The following STK32B variants were observed in gnomAD, a reference collection of about 807,000 sequenced individuals.
STK32B encodes the protein serine/threonine-protein kinase 32B.
STK32B carries 43 observed loss-of-function variants against 52.6 expected under a neutral mutation model. That is an observed-to-expected ratio of 0.82 (90% CI 0.64 to 1.05). The LOEUF is 1.05. Among genes scored for constraint, STK32B ranks in the 50% least tolerant of loss-of-function variants. The probability of loss-of-function intolerance (pLI) is 0.00; values close to 1 mark genes in which losing one functional copy is unlikely to be tolerated. For synonymous variants in STK32B, 238 were observed against 204.3 expected, an observed-to-expected ratio of 1.17 and a Z score of -1.41; for missense variants, 621 against 534.6, an observed-to-expected ratio of 1.16 and a Z score of -1.59.
intron 1 of STK32B, among the ~76,000 whole-genome samples, chr4:5,072,008 G>T (rs1352529978): frequency 6.6e-6 from 1 of 152,142 alleles, no homozygotes; most frequent in African/African-American, 2.4e-5. Flanking sequence ...TGACCCTTGT[G>T]TGAGATGCCC....
At chr4:5,477,609 G>C (rs1259946884) in intron 11 of STK32B, among the ~76,000 whole-genome samples, 1 of 152,162 alleles carries the variant, frequency 6.6e-6, no homozygotes, top group African/African-American at 2.4e-5. Flanking sequence ...TCCATGGCAG[G>C]TCAGCTTGGA....
chr4:5,032,139 T>C, the STK32B span, among the ~76,000 whole-genome samples: 1 of 149,808 alleles, frequency 6.7e-6, no homozygotes, highest in Non-Finnish European at 1.5e-5. Context: ...AACTTGAGAC[T>C]AGTAGCCAGT....
chr4:5,172,216 A>G (rs1479671779), intron 3 of STK32B, among the ~76,000 whole-genome samples: 3 of 152,154 alleles, frequency 2.0e-5, no homozygotes, highest in Middle Eastern at 3.2e-3. Context: ...GGGCTGAGAC[A>G]ATGGGGTTTT....
At chr4:5,434,983 A>G (rs1399378862) in intron 6 of STK32B, among the ~76,000 whole-genome samples, 3 of 152,050 alleles carry the variant, frequency 2.0e-5, no homozygotes, top group African/African-American at 4.8e-5. Context: ...ACTCATCTCC[A>G]TGGCCCTGAA....
intron 1 of STK32B, among the ~76,000 whole-genome samples, chr4:5,082,211 C>T (rs553042808): frequency 5.3e-5 from 8 of 152,168 alleles, no homozygotes; most frequent in South Asian, 4.2e-4. Flanking sequence ...TTTGTTGTCC[C>T]GAAGGAGGTA....
At chr4:5,251,005 GGTTGTCTTTTTACTCT>G (rs1289398051) in intron 3 of STK32B, among the ~76,000 whole-genome samples, 2 of 152,246 alleles carry the variant, frequency 1.3e-5, no homozygotes, top group East Asian at 1.9e-4. Flanking sequence ...TCATTCTGTA[GGTTGTCTTTTTACTCT>G]GTTGATAGTT....
chr4:5,250,156 A>C (rs1471033948), intron 3 of STK32B, among the ~76,000 whole-genome samples: 1 of 152,110 alleles, frequency 6.6e-6, no homozygotes, highest in Non-Finnish European at 1.5e-5. Flanking sequence ...CCAGTCTGCT[A>C]TTGATGGACA....
intron 3 of STK32B, among the ~76,000 whole-genome samples, chr4:5,228,281 C>T (rs534486622): frequency 1.3e-5 from 2 of 152,170 alleles, no homozygotes; most frequent in African/African-American, 2.4e-5. Flanking sequence ...CTACAATGAG[C>T]GATTGAGTCA....
intron 4 of STK32B, among the ~76,000 whole-genome samples, chr4:5,372,618 C>G (rs909710191): frequency 2.0e-5 from 3 of 151,694 alleles, no homozygotes; most frequent in African/African-American, 7.3e-5. Flanking sequence ...CCCATCTTTT[C>G]TGGGTCAGTG....
At chr4:5,091,945 C>T (rs1713100983) in intron 1 of STK32B, among the ~76,000 whole-genome samples, 2 of 152,086 alleles carry the variant, frequency 1.3e-5, no homozygotes, top group South Asian at 2.1e-4. Flanking sequence ...AAGAAGTCTG[C>T]CAGAAAAGGT....
At chr4:5,173,371 C>T (rs1249978445) in intron 3 of STK32B, among the ~76,000 whole-genome samples, 3 of 151,946 alleles carry the variant, frequency 2.0e-5, no homozygotes, top group Non-Finnish European at 4.4e-5. Flanking sequence ...GATCTTGCTT[C>T]TCTAGTTCTT....
At chr4:5,111,767 A>G (rs1714420000) in intron 1 of STK32B, among the ~76,000 whole-genome samples, 2 of 152,070 alleles carry the variant, frequency 1.3e-5, no homozygotes, top group African/African-American at 4.8e-5. Flanking sequence ...AAAAATAAAG[A>G]AAACGATGTG....
chr4:5,279,295 T>A (rs1728042383), intron 3 of STK32B, among the ~76,000 whole-genome samples: 1 of 152,166 alleles, frequency 6.6e-6, no homozygotes, highest in African/African-American at 2.4e-5. Context: ...AGGTAGAAAT[T>A]GGCTAAAACA....
intron 1 of STK32B, among the ~76,000 whole-genome samples, chr4:5,072,514 C>T (rs1711843625): frequency 6.6e-6 from 1 of 152,138 alleles, no homozygotes; most frequent in Non-Finnish European, 1.5e-5. Flanking sequence ...CATCTTTCAA[C>T]CTCATCATTT....
At chr4:5,444,823 G>C (rs572147807) in intron 6 of STK32B, among the ~76,000 whole-genome samples, 1 of 152,256 alleles carries the variant, frequency 6.6e-6, no homozygotes, top group East Asian at 1.9e-4. Flanking sequence ...CAGAGAGAAG[G>C]TAAGTCACTT....
chr4:5,065,596 T>C (rs1326828852), intron 1 of STK32B, among the ~76,000 whole-genome samples: 2 of 152,200 alleles, frequency 1.3e-5, no homozygotes, highest in Non-Finnish European at 2.9e-5. Context: ...TGATTGGCAA[T>C]GCCTAGCACG....
At chr4:5,020,885 C>T in the STK32B span, among the ~76,000 whole-genome samples, 1 of 152,190 alleles carries the variant, frequency 6.6e-6, no homozygotes, top group Non-Finnish European at 1.5e-5. Flanking sequence ...AAACTGAGGG[C>T]CTCGGGGGAT....
rs927214462 is a variant in STK32B, at chr4:5,500,877, A to G, written c.*1794A>G. On this transcript the variant is annotated 3_prime_UTR_variant, in exon 12 of 12. Coordinates refer to ENST00000282908, the MANE Select transcript of STK32B (RefSeq NM_018401.3). The stretch of plus-strand genomic sequence containing the variant: ...TCTTAAGATGATGATGGTTTTTTTT[A>G]TTGGGCTGAGTTCACGAATTAGGGG... 6.6e-6 allele frequency: 1 copy of G among 151,946 alleles called. No homozygotes were observed. The highest frequency in any genetic ancestry group is 2.4e-5 in the African/African-American group (1 of 41,370). The allele number at this position is 151,946 out of a possible 1,614,324, so 9.4% of individuals were successfully genotyped here.
rs1298397648 is a variant in STK32B at position 5,399,013 on chromosome 4, ATCCTGTG to A, written c.472+778_472+784del. On this transcript the variant is annotated intron_variant, in intron 5 of 11. Transcript: ENST00000282908. This position sits in a 1 kb window ranked among gnomAD's most constrained non-coding sequence, Gnocchi z 5.4. Reference sequence around the variant, plus strand: ...GCAAGCCTGGGCTCCTGTGTTCTGGATCCTGTGTCCTGTGTTGGGATGGAATGCCCAC... The same window carrying A: ...GCAAGCCTGGGCTCCTGTGTTCTGGATCCTGTGTTGGGATGGAATGCCCAC... Among the ~76,000 whole-genome samples the A allele has an allele frequency of 1.3e-5, 2 of 152,196 alleles. No homozygotes were observed. The highest frequency in any genetic ancestry group is 2.4e-5 in the African/African-American group (1 of 41,452).
Sources: gnomAD v4.1 joint callset for allele counts (sites outside exome capture counted in the v4.1 genomes callset) on GRCh38, gnomAD v4.1.1 for gene constraint, Gnocchi (gnomAD v3.1) non-coding constraint, MANE v1.5 for transcripts, NCBI Gene and HGNC (gene_info 2026-07-23, HGNC 2026-07-21) for gene names.